EXOC6B: variants seen among roughly 807,000 people sequenced by gnomAD.
EXOC6B encodes exocyst complex component 6B.
EXOC6B carries 54 observed loss-of-function variants against 113.5 expected under a neutral mutation model. That is an observed-to-expected ratio of 0.48 (90% confidence interval 0.38 to 0.60). The LOEUF is 0.60. Ranked by LOEUF, EXOC6B falls within the 20% of genes least tolerant of loss-of-function variation. EXOC6B has a pLI of 0.00. For synonymous variants in EXOC6B, 357 were observed against 339.0 expected (o/e 1.05, Z -0.58); for missense variants, 797 against 977.5 (o/e 0.82, Z 2.46).
intron 6 of EXOC6B, among the ~76,000 whole-genome samples, chr2:72,638,464 C>G (rs1047770894): frequency 6.6e-6 from 1 of 152,064 alleles, no homozygotes; most frequent in East Asian, 1.9e-4. Context: ...AACAGATCTT[C>G]TGAGAGAAGG....
chr2:72,471,175 G>A (rs1698387559), intron 17 of EXOC6B, among the ~76,000 whole-genome samples: 1 of 152,026 alleles, frequency 6.6e-6, no homozygotes, highest in Admixed American at 6.5e-5. Context: ...GGTGTGAGAT[G>A]GTATCTCATT....
intron 20 of EXOC6B, among the ~76,000 whole-genome samples, chr2:72,195,468 G>A (rs1037798605): frequency 6.6e-6 from 1 of 152,200 alleles, no homozygotes; most frequent in Non-Finnish European, 1.5e-5. Flanking sequence ...TGGAACTGCT[G>A]CCACAGATGT....
chr2:72,502,472 C>T (rs1243508938), intron 11 of EXOC6B, among the ~76,000 whole-genome samples: 2 of 152,066 alleles, frequency 1.3e-5, no homozygotes, highest in Admixed American at 6.5e-5. Flanking sequence ...TGCTTGAACC[C>T]GGGAGGCAGA....
At chr2:72,616,749 G>A (rs1671408297) in intron 6 of EXOC6B, among the ~76,000 whole-genome samples, 1 of 151,630 alleles carries the variant, frequency 6.6e-6, no homozygotes, top group African/African-American at 2.4e-5. Context: ...GATGAGATCT[G>A]GGTGGGGACA....
At chr2:72,293,049 A>G (rs1685904296) in intron 20 of EXOC6B, among the ~76,000 whole-genome samples, 1 of 152,188 alleles carries the variant, frequency 6.6e-6, no homozygotes, top group South Asian at 2.1e-4. Flanking sequence ...AAAAAATGCC[A>G]GAAGTGGAAT....
intron 20 of EXOC6B, among the ~76,000 whole-genome samples, chr2:72,244,968 A>C (rs945760219): frequency 6.6e-6 from 1 of 152,184 alleles, no homozygotes; most frequent in Non-Finnish European, 1.5e-5. Context: ...CTACAAAAAT[A>C]TGATGAAAGA....
rs1161898322 is a variant in EXOC6B at position 72,688,827 on chromosome 2, A to G, written c.669+29276T>C. ...CTTGTGTTTAAGAAAGCTAATACCT[A>G]GTAGTAAATGACAGGGGTCCAAACA... On this transcript the variant is annotated intron_variant, in intron 6 of 21. Transcript: ENST00000272427. Among the ~76,000 whole-genome samples the G allele has an allele frequency of 3.3e-5, 5 of 152,240 alleles. No homozygotes were observed. The East Asian group carries it at 9.6e-4, about 29-fold the overall frequency.
chr2:72,361,043 T>C (rs1454557075), intron 19 of EXOC6B, among the ~76,000 whole-genome samples: 1 of 152,164 alleles, frequency 6.6e-6, no homozygotes, highest in Non-Finnish European at 1.5e-5. Flanking sequence ...TGCTATGCTC[T>C]GTCCCTTACT....
intron 8 of EXOC6B, among the ~76,000 whole-genome samples, chr2:72,551,477 T>G (rs544925176): frequency 6.6e-6 from 1 of 150,732 alleles, no homozygotes; most frequent in East Asian, 2.0e-4. Context: ...ATTACAGGCG[T>G]GAGCCACCGC....
At chr2:72,610,915 A>T (rs1028024058) in intron 6 of EXOC6B, among the ~76,000 whole-genome samples, 1 of 152,208 alleles carries the variant, frequency 6.6e-6, no homozygotes, top group Admixed American at 6.5e-5. Context: ...CCAGTGAGTG[A>T]TGTCATGTAG....
chr2:72,183,882 T>C (rs1678249816), intron 21 of EXOC6B, among the ~76,000 whole-genome samples, 193 bp downstream of exon 21: 1 of 152,082 alleles, frequency 6.6e-6, no homozygotes, highest in Non-Finnish European at 1.5e-5. Flanking sequence ...GGCTCAGGAA[T>C]TAATAAGCCA....
At chr2:72,411,949 T>C (rs927409123) in intron 18 of EXOC6B, among the ~76,000 whole-genome samples, 3 of 151,860 alleles carry the variant, frequency 2.0e-5, no homozygotes, top group Non-Finnish European at 2.9e-5. Flanking sequence ...ATGTTTAAGA[T>C]GAAAAACAAG....
At chr2:72,338,728 C>T (rs1688844781) in intron 19 of EXOC6B, among the ~76,000 whole-genome samples, 1 of 151,892 alleles carries the variant, frequency 6.6e-6, no homozygotes, top group Admixed American at 6.6e-5. Context: ...GGTCTAATTT[C>T]AACTATATAA....
intron 19 of EXOC6B, among the ~76,000 whole-genome samples, chr2:72,356,275 G>A (rs1656178236): frequency 6.6e-6 from 1 of 152,058 alleles, no homozygotes; most frequent in East Asian, 1.9e-4. Context: ...CTAACATGTT[G>A]TACTATGGCA....
At chr2:72,357,012 G>A (rs1160564707) in intron 19 of EXOC6B, among the ~76,000 whole-genome samples, 1 of 152,074 alleles carries the variant, frequency 6.6e-6, no homozygotes, top group Non-Finnish European at 1.5e-5. Flanking sequence ...ATTTCCCTAA[G>A]TGGGACAGTC....
At chr2:72,572,487 G>A (rs187004509) in intron 7 of EXOC6B, among the ~76,000 whole-genome samples, 165 of 152,252 alleles carry the variant, frequency 1.1e-3, no homozygotes, top group African/African-American at 3.3e-3. Flanking sequence ...ATATATGTAC[G>A]TTTTACTGGG....
intron 6 of EXOC6B, among the ~76,000 whole-genome samples, chr2:72,696,762 C>A (rs6546781): frequency 0.61 from 93,193 of 151,950 alleles, 34,826 homozygotes; most frequent in East Asian, 0.99. Flanking sequence ...CCTGGGGAGG[C>A]CAGAAGACAA....
At chr2:72,670,642 A>G (rs1675723479) in intron 6 of EXOC6B, among the ~76,000 whole-genome samples, 1 of 152,216 alleles carries the variant, frequency 6.6e-6, no homozygotes, top group East Asian at 1.9e-4. Context: ...ATATGATGAT[A>G]TTATTTGCCC....
chr2:72,391,620 C>T (rs1692387900), intron 18 of EXOC6B, among the ~76,000 whole-genome samples: 3 of 152,184 alleles, frequency 2.0e-5, no homozygotes, highest in South Asian at 4.1e-4. Flanking sequence ...GTACAAAATT[C>T]TTTAAGTACT....
Sources: allele counts gnomAD v4.1 joint callset (sites outside exome capture counted in the v4.1 genomes callset), GRCh38; gene constraint gnomAD v4.1.1; transcripts MANE v1.5; gene names NCBI Gene and HGNC (gene_info 2026-07-23, HGNC 2026-07-21).